SENP8: variants seen among roughly 807,000 people sequenced by gnomAD.
SENP8 encodes the protein SUMO peptidase family member, NEDD8 specific.
In SENP8, 10 loss-of-function variants were observed where a neutral mutation model predicts 14.4. The observed-to-expected ratio is 0.69, with a 90% CI of 0.43 to 1.18. The LOEUF is 1.18. Among genes scored for constraint, SENP8 ranks in the 50% most tolerant of loss-of-function variants. The probability of loss-of-function intolerance (pLI) is 0.00; values close to 1 mark genes in which losing one functional copy is unlikely to be tolerated. For synonymous variants in SENP8, 94 were observed against 95.5 expected (o/e 0.98, Z 0.09); for missense variants, 202 against 249.4 (o/e 0.81, Z 1.28).
At chr15:72,138,323 G>A (rs905986435) in intron 1 of SENP8, among the ~76,000 whole-genome samples, 11 of 150,586 alleles carry the variant, frequency 7.3e-5, no homozygotes, top group Admixed American at 5.3e-4. Context: ...GCCAACCCCC[G>A]TATGCAGTCA....
At chr15:72,123,762 A>ACGCCCGACCTCAGGTGATC (rs2081188924) in intron 1 of SENP8, among the ~76,000 whole-genome samples, 1 of 152,156 alleles carries the variant, frequency 6.6e-6, no homozygotes, top group Non-Finnish European at 1.5e-5. Context: ...CTGATCTAGA[A>ACGCCCGACCTCAGGTGATC]CGCCCGACCT....
chr15:72,138,046 C>A (rs1399309321), intron 1 of SENP8, among the ~76,000 whole-genome samples: 3 of 151,694 alleles, frequency 2.0e-5, no homozygotes, highest in African/African-American at 4.8e-5. Flanking sequence ...TTTTTAGATT[C>A]TTTGAATTCA....
In SENP8 at chr15:72,133,607, TTC is replaced by T. The variant is rs1465467088; in HGVS notation, c.-47-5968_-47-5967del. On this transcript the variant is annotated intron_variant, in intron 1 of 1. Coordinates refer to ENST00000340912, the MANE Select transcript of SENP8 (RefSeq NM_145204.4). ...ATTCTCTCTTGTGAATTCCCATACA[TTC>T]TGTTTGTGCCTCTTATGGATTTCTT... 3.3e-5 allele frequency among the ~76,000 whole-genome samples: 5 copies of T among 152,214 alleles called. 1 individual carries two copies. Among genetic ancestry groups the T allele is most frequent in the Non-Finnish European group, 7.3e-5 (5 of 68,040 alleles).
At chr15:72,127,741 G>A (rs1428600911) in intron 1 of SENP8, among the ~76,000 whole-genome samples, 2 of 152,162 alleles carry the variant, frequency 1.3e-5, no homozygotes, top group African/African-American at 2.4e-5. Context: ...GACCTGTTAG[G>A]CTAGGTCAAG....
At chr15:72,127,153 C>T (rs2081228385) in intron 1 of SENP8, among the ~76,000 whole-genome samples, 1 of 152,112 alleles carries the variant, frequency 6.6e-6, no homozygotes, top group Admixed American at 6.5e-5. Context: ...AAATGGCAAA[C>T]AAGGCAGACA....
upstream of SENP8, among the ~76,000 whole-genome samples, chr15:72,116,391 C>T (rs1156668392): frequency 6.6e-6 from 1 of 152,120 alleles, no homozygotes; most frequent in Non-Finnish European, 1.5e-5. Flanking sequence ...ACATTTCTTT[C>T]TTGACAACTC....
chr15:72,119,327 A>G (rs1372603735), intron 1 of SENP8, among the ~76,000 whole-genome samples: 1 of 152,216 alleles, frequency 6.6e-6, no homozygotes, highest in African/African-American at 2.4e-5. Context: ...CTCTAGACCA[A>G]TTAAATTCTG....
intron 1 of SENP8, among the ~76,000 whole-genome samples, chr15:72,121,088 T>C (rs558653906): frequency 8.5e-5 from 13 of 152,338 alleles, no homozygotes; most frequent in African/African-American, 3.1e-4. Context: ...CCAACCTCTC[T>C]GCTGGGATGA....
intron 1 of SENP8, among the ~76,000 whole-genome samples, chr15:72,129,503 C>T (rs1017269103): frequency 1.3e-4 from 20 of 151,010 alleles, no homozygotes; most frequent in Admixed American, 1.3e-3. Context: ...GCTGGGATTA[C>T]AGGCATGCAC....
upstream of SENP8, chr15:72,117,556 C>A: frequency 2.7e-6 from 1 of 368,268 alleles, no homozygotes; most frequent in Non-Finnish European, 4.8e-6. Flanking sequence ...AGGCTCGGCG[C>A]AGACCCGCTC....
rs1288190698 is a variant in SENP8 at position 72,142,165 on chromosome 15, T to A, written c.*1903T>A. 1 of 152,140 alleles carries A rather than the reference T, an allele frequency of 6.6e-6. No individual in the cohort carries two copies. Among genetic ancestry groups the A allele is most frequent in the Non-Finnish European group, 1.5e-5 (1 of 68,042 alleles). The allele number at this position is 152,140 out of a possible 1,614,324, so 9.4% of individuals were successfully genotyped here. A position where few individuals can be genotyped will look rare whatever the true frequency, so the allele number is the denominator to read the frequency against. On this transcript the variant is annotated 3_prime_UTR_variant, in exon 2 of 2. Coordinates refer to ENST00000340912, the MANE Select transcript of SENP8 (RefSeq NM_145204.4). ...ATAGAAAAATATATATACACACGTA[T>A]AGACATGTATATGTAATCTATCTAC... is the stretch of plus-strand genomic sequence containing the variant.
At chr15:72,139,060 T>C (rs1321168270) in intron 1 of SENP8, among the ~76,000 whole-genome samples, 3 of 151,942 alleles carry the variant, frequency 2.0e-5, no homozygotes, top group Admixed American at 2.0e-4. Flanking sequence ...TATTATATAC[T>C]GCATAATATA....
intron 1 of SENP8, among the ~76,000 whole-genome samples, chr15:72,133,804 A>G (rs998698537): frequency 2.6e-5 from 4 of 152,130 alleles, no homozygotes; most frequent in Non-Finnish European, 5.9e-5. Context: ...TTCTCACTCT[A>G]TATTGCCACC....
chr15:72,122,146 A>T (rs2151322545), intron 1 of SENP8, among the ~76,000 whole-genome samples: 1 of 152,176 alleles, frequency 6.6e-6, no homozygotes, highest in Middle Eastern at 3.4e-3. Context: ...TAAACACATT[A>T]GCAAAAGAAT....
rs371015308 is a variant in SENP8, at chr15:72,140,025, G to T, written c.402G>T (p.Glu134Asp). ...SNSVHAKQVA[E>D]KLEAFLGRKG... ...CAGTTCACGCAAAGCAGGTAGCAGAGAAACTGGAGGCTTTCTTAGGCAGAA... is the reference window on the plus strand; with the variant it reads ...CAGTTCACGCAAAGCAGGTAGCAGATAAACTGGAGGCTTTCTTAGGCAGAA... The change falls in exon 2 of 2, where the codon GAG becomes GAT. Residue 134 changes from glutamate (E) to aspartate (D), a missense_variant. Coordinates refer to ENST00000340912, the MANE Select transcript of SENP8 (RefSeq NM_145204.4). 1.9e-6 allele frequency: 3 copies of T among 1,614,088 alleles called. No homozygotes were observed. In the African/African-American group the frequency reaches 4.0e-5, roughly 22 times the overall value.
intron 1 of SENP8, among the ~76,000 whole-genome samples, chr15:72,139,149 T>A (rs1313059102): frequency 6.6e-6 from 1 of 151,922 alleles, no homozygotes; most frequent in East Asian, 1.9e-4. Context: ...ACCAATAACA[T>A]AGCCAATTAA....
chr15:72,119,359 T>G lies in SENP8; in HGVS notation c.-48+895T>G, dbSNP rs576163865. 3.3e-5 allele frequency among the ~76,000 whole-genome samples: 5 copies of G among 152,354 alleles called. No individual in the cohort carries two copies. In the South Asian group the frequency reaches 6.2e-4, roughly 19 times the overall value. ...TCTGGGTTGTGCCAGGTGTCATTAC[T>G]GTTTTAAAGCTCCACAGGTGACTCT... On this transcript the variant is annotated intron_variant, in intron 1 of 1. Coordinates refer to ENST00000340912, the MANE Select transcript of SENP8 (RefSeq NM_145204.4).
At chr15:72,135,603 G>T (rs2081320357) in intron 1 of SENP8, among the ~76,000 whole-genome samples, 1 of 152,112 alleles carries the variant, frequency 6.6e-6, no homozygotes, top group African/African-American at 2.4e-5. Flanking sequence ...TTTGGCAAAG[G>T]GTGGGTTTGG....
chr15:72,134,693 CT>C, intron 1 of SENP8: 1 of 216,766 alleles, frequency 4.6e-6, no homozygotes, highest in Non-Finnish European at 9.7e-6. Context: ...TTCTCTAGGC[CT>C]TGGAAAAAAC....
Sources: gnomAD v4.1 joint callset for allele counts (sites outside exome capture counted in the v4.1 genomes callset) on GRCh38, gnomAD v4.1.1 for gene constraint, MANE v1.5 for transcripts, NCBI Gene and HGNC (gene_info 2026-07-23, HGNC 2026-07-21) for gene names.